Variants in COPG2 observed in about 807,000 individuals in gnomAD.
COPG2 encodes coatomer subunit gamma-2.
Under a neutral mutation model 46.3 loss-of-function variants are expected in COPG2, and 37 were observed. The observed-to-expected ratio is 0.80, with a 90% CI of 0.61 to 1.05. The LOEUF (loss-of-function observed/expected upper bound fraction) is 1.05. Among genes scored for constraint, COPG2 ranks in the 50% least tolerant of loss-of-function variants. The pLI is 0.00. For missense variants in COPG2, 427 were observed against 387.8 expected, an observed-to-expected ratio of 1.10 and a Z score of -0.85; for synonymous variants, 159 against 129.7, an observed-to-expected ratio of 1.23 and a Z score of -1.53.
At chr7:130,508,073 T>G (rs1799531316) in intron 21 of COPG2, 4 of 419,268 alleles carry the variant, frequency 9.5e-6, no homozygotes, top group Non-Finnish European at 1.7e-5. Context: ...GCACCCACAC[T>G]TGACCACTGA....
chr7:130,563,239 T>TA (rs1381299967), intron 11 of COPG2, 30 bp downstream of exon 11: 9 of 397,836 alleles, frequency 2.3e-5, no homozygotes, highest in Non-Finnish European at 4.0e-5. Flanking sequence ...AATACTGATA[T>TA]AAGTCAATAA....
At chr7:130,646,273 T>C (rs1300869597) in intron 5 of COPG2, among the ~76,000 whole-genome samples, 2 of 152,246 alleles carry the variant, frequency 1.3e-5, no homozygotes, top group Non-Finnish European at 2.9e-5. Flanking sequence ...GTAGATGGTC[T>C]GCTGCTGAAG....
At chr7:130,650,009 G>A (rs1432207745) in intron 5 of COPG2, among the ~76,000 whole-genome samples, 1 of 152,200 alleles carries the variant, frequency 6.6e-6, no homozygotes, top group East Asian at 1.9e-4. Context: ...TAGGGCTACA[G>A]TCCTTTCCGG....
intron 13 of COPG2, 62 bp from the exon 14 acceptor site, chr7:130,554,786 C>T (rs1355565347): frequency 2.5e-6 from 1 of 398,384 alleles, no homozygotes; most frequent in African/African-American, 2.1e-5. Context: ...GAAATGCTTA[C>T]ACTCCAAGGT....
chr7:130,652,994 G>A, intron 4 of COPG2, 46 bp from the exon 5 acceptor site: 3 of 1,309,148 alleles, frequency 2.3e-6, no homozygotes, highest in Non-Finnish European at 3.2e-6. Flanking sequence ...ATTAGGAAAT[G>A]GTTTTTTAAA....
intron 9 of COPG2, among the ~76,000 whole-genome samples, chr7:130,573,802 TAAGTTCAACC>T (rs1455976611): frequency 6.6e-6 from 1 of 152,166 alleles, no homozygotes; most frequent in Admixed American, 6.5e-5. Context: ...GTTACATAGG[TAAGTTCAACC>T]ACAATGGTTG....
chr7:130,606,685 G>C (rs1257976422), intron 9 of COPG2, among the ~76,000 whole-genome samples: 1 of 152,130 alleles, frequency 6.6e-6, no homozygotes, highest in African/African-American at 2.4e-5. Context: ...TTCACCTACG[G>C]AGAGCAACTT....
intron 5 of COPG2, among the ~76,000 whole-genome samples, chr7:130,622,108 G>A (rs915943035): frequency 1.3e-5 from 2 of 152,064 alleles, no homozygotes; most frequent in Non-Finnish European, 2.9e-5. Context: ...GTGTTCAGAC[G>A]GTGAAGTGAA....
intron 9 of COPG2, among the ~76,000 whole-genome samples, chr7:130,606,595 T>C (rs1377830194): frequency 6.6e-6 from 1 of 152,236 alleles, no homozygotes; most frequent in Non-Finnish European, 1.5e-5. Context: ...AAGTTGGATA[T>C]TTACTTGAGG....
At chr7:130,539,704 A>G (rs1197307337) in intron 20 of COPG2, among the ~76,000 whole-genome samples, 6 of 152,176 alleles carry the variant, frequency 3.9e-5, no homozygotes, top group Non-Finnish European at 8.8e-5. Context: ...AGGCAGCGCC[A>G]ACAGGGGAGT....
chr7:130,566,451 A>C (rs1438978232), intron 9 of COPG2, among the ~76,000 whole-genome samples: 1 of 152,262 alleles, frequency 6.6e-6, no homozygotes, highest in East Asian at 1.9e-4. Context: ...TCAATCCAGC[A>C]ATCCCATTAC....
At chr7:130,638,776 GA>G (rs1398730828) in intron 5 of COPG2, among the ~76,000 whole-genome samples, 9 of 148,746 alleles carry the variant, frequency 6.1e-5, no homozygotes, top group East Asian at 3.9e-4. Context: ...ACTGAGGTAT[GA>G]AAAAAAAAAC....
At chr7:130,542,965 A>G (rs1357071511) in intron 20 of COPG2, among the ~76,000 whole-genome samples, 1 of 152,100 alleles carries the variant, frequency 6.6e-6, no homozygotes, top group Admixed American at 6.5e-5. Flanking sequence ...AATAGAAGTT[A>G]AATCCTAGAC....
At position 130,647,882 on chromosome 7, in the gene COPG2, C is replaced by A. The variant is rs559428263; in HGVS notation, c.323+4987G>T. Among the ~76,000 whole-genome samples, 4 of 152,120 alleles carry A rather than the reference C, an allele frequency of 2.6e-5. No homozygotes were observed. The East Asian group carries it at 7.7e-4, about 29-fold the overall frequency. Reference sequence around the variant, plus strand: ...AGTAGCTGGGACTACAGATGCCTGCCACCACGCCCAGCTAATTTTTTGTAT... The same window carrying A: ...AGTAGCTGGGACTACAGATGCCTGCAACCACGCCCAGCTAATTTTTTGTAT... On this transcript the variant is annotated intron_variant, in intron 5 of 23. Transcript: ENST00000425248.
intron 5 of COPG2, 27 bp from the exon 6 acceptor site, chr7:130,617,092 A>G: frequency 6.8e-7 from 1 of 1,471,604 alleles, no homozygotes; most frequent in Non-Finnish European, 9.5e-7. Flanking sequence ...TGGTTAACAT[A>G]AGATCAATTA....
At chr7:130,595,320 A>G (rs1211507077) in intron 9 of COPG2, among the ~76,000 whole-genome samples, 5 of 152,176 alleles carry the variant, frequency 3.3e-5, no homozygotes, top group Admixed American at 2.0e-4. Context: ...AAATCCAGAG[A>G]CAAAAAAATG....
intron 20 of COPG2, chr7:130,511,725 G>T (rs782352814): frequency 7.2e-5 from 37 of 515,704 alleles, no homozygotes; most frequent in Admixed American, 5.5e-4. Context: ...GGCAGAGCAG[G>T]TGTGGAATAA....
At chr7:130,566,548 C>T (rs938110205) in intron 9 of COPG2, among the ~76,000 whole-genome samples, 13 of 152,294 alleles carry the variant, frequency 8.5e-5, no homozygotes, top group East Asian at 5.8e-4. Context: ...AGAGAGTTGG[C>T]GGCTCTACAG....
intron 20 of COPG2, among the ~76,000 whole-genome samples, chr7:130,517,391 T>A (rs1406405774): frequency 6.6e-6 from 1 of 152,158 alleles, no homozygotes. Flanking sequence ...GAAGGCCCAA[T>A]GGTAATGAAT....
Sources: gnomAD v4.1 joint callset for allele counts (sites outside exome capture counted in the v4.1 genomes callset) on GRCh38, gnomAD v4.1.1 for gene constraint, MANE v1.5 for transcripts, NCBI Gene and HGNC (gene_info 2026-07-23, HGNC 2026-07-21) for gene names.